PIK3CG: variants seen among roughly 807,000 people sequenced by gnomAD.
PIK3CG encodes phosphatidylinositol-4,5-bisphosphate 3-kinase catalytic subunit gamma.
In PIK3CG, 55 loss-of-function variants were observed where a neutral mutation model predicts 102.3. The ratio of observed to expected loss-of-function variants is 0.54; its 90% CI spans 0.43 to 0.67. The LOEUF is 0.67. PIK3CG is among the 30% of genes least tolerant of loss of function. PIK3CG has a pLI of 0.00. For missense variants in PIK3CG, 1,258 were observed against 1,391.8 expected (o/e 0.90, Z 1.53); for synonymous variants, 552 against 540.0 (o/e 1.02, Z -0.31).
chr7:106,902,534 C>T lies in PIK3CG; in HGVS notation c.3031-2575C>T, dbSNP rs1217804397. 6.6e-6 allele frequency among the ~76,000 whole-genome samples: 1 copy of T among 150,760 alleles called. No homozygotes were observed. The highest frequency in any genetic ancestry group is 1.5e-5 in the Non-Finnish European group (1 of 67,840). On this transcript the variant is annotated intron_variant, in intron 10 of 10. Coordinates refer to ENST00000496166, the MANE Select transcript of PIK3CG (RefSeq NM_001282426.2). This position sits in a 1 kb window ranked among gnomAD's most constrained non-coding sequence, Gnocchi z 4.3. Reference sequence around the variant, plus strand: ...ATAAAATGTGAACATTGGGTATTGTCCTTAAAAGACTAAAAAAAAAAAAGT... The same window carrying T: ...ATAAAATGTGAACATTGGGTATTGTTCTTAAAAGACTAAAAAAAAAAAAGT...
rs1791749948 is a variant in PIK3CG at position 106,908,631 on chromosome 7, C to T, written c.*3244C>T. Among the ~76,000 whole-genome samples, 1 of 152,104 alleles carries T rather than the reference C, an allele frequency of 6.6e-6. No individual in the cohort carries two copies. The highest frequency in any genetic ancestry group is 2.4e-5 in the African/African-American group (1 of 41,396). On this transcript the variant is annotated 3_prime_UTR_variant, in exon 11 of 11. Transcript: ENST00000496166. This position sits in a 1 kb window ranked among gnomAD's most constrained non-coding sequence, Gnocchi z 4.1. ...CCAGAGAAAACTCTTGACTTAAAAA[C>T]TTAACTGTAGTAAATATATCTTTTT...
chr7:106,896,247 G>A (rs1490371970), intron 10 of PIK3CG, among the ~76,000 whole-genome samples: 2 of 152,126 alleles, frequency 1.3e-5, no homozygotes, highest in African/African-American at 4.8e-5. Flanking sequence ...GAGCACCAGT[G>A]GATTGGTGTT....
At position 106,872,199 on chromosome 7, in the gene PIK3CG, C is replaced by T. The variant is rs1286705470; in HGVS notation, c.1996-338C>T. On this transcript the variant is annotated intron_variant, in intron 2 of 10. Transcript: ENST00000496166. This position sits in a 1 kb window ranked among gnomAD's most constrained non-coding sequence, Gnocchi z 5.3. ...GATTGGTTACAGTGTCTCCATCTTC[C>T]CCCTCTACCCCTCCAACAAAACCAG... Among the ~76,000 whole-genome samples the T allele has an allele frequency of 1.3e-5, 2 of 152,120 alleles. No homozygotes were observed. The highest frequency in any genetic ancestry group is 4.8e-5 in the African/African-American group (2 of 41,412).
rs535496274 is a variant in PIK3CG at position 106,874,647 on chromosome 7, T to C, written c.2288-53T>C. On this transcript the variant is annotated intron_variant, in intron 4 of 10. Coordinates refer to ENST00000496166, the MANE Select transcript of PIK3CG (RefSeq NM_001282426.2). This position sits in a 1 kb window ranked among gnomAD's most constrained non-coding sequence, Gnocchi z 4.3. ...TGTTCTCAGGAAATGTAATAGATAA[T>C]ATTGATGATTTCTGGAACTCACATA... 8 of 1,088,032 alleles carry C rather than the reference T, an allele frequency of 7.4e-6. No individual in the cohort carries two copies. In the East Asian group the frequency reaches 1.9e-4, roughly 26 times the overall value. The allele number at this position is 1,088,032 out of a possible 1,614,324, so 67.4% of individuals were successfully genotyped here. A position where few individuals can be genotyped will look rare whatever the true frequency, so the allele number is the denominator to read the frequency against.
At chr7:106,885,424 G>A (rs993004473) in intron 9 of PIK3CG, among the ~76,000 whole-genome samples, 1 of 152,142 alleles carries the variant, frequency 6.6e-6, no homozygotes, top group African/African-American at 2.4e-5. Context: ...GTAGTCAGTA[G>A]TGGCCACCAA....
intron 10 of PIK3CG, among the ~76,000 whole-genome samples, chr7:106,901,602 C>T (rs964358770): frequency 6.6e-6 from 1 of 152,114 alleles, no homozygotes; most frequent in Non-Finnish European, 1.5e-5. Context: ...TGTTGGAGAA[C>T]TGGTGTGGTT....
At chr7:106,882,936 A>T in intron 7 of PIK3CG, 97 bp from the exon 8 acceptor site, 1 of 970,872 alleles carries the variant, frequency 1.0e-6, no homozygotes, top group East Asian at 2.6e-5. Context: ...AAAAAAAAAA[A>T]ACCCTCTGCC....
rs761414831 is a variant in PIK3CG at position 106,869,209 on chromosome 7, C to T, written c.1648C>T (p.Gln550Ter). 1.9e-6 allele frequency: 3 copies of T among 1,614,236 alleles called. No homozygotes were observed. Among genetic ancestry groups the T allele is most frequent in the South Asian group, 2.2e-5 (2 of 91,084 alleles). The change falls in exon 2 of 11, where the codon CAG (glutamine) becomes TAG (stop). Residue 550 changes from glutamine (Q) to a stop codon, truncating the protein, a stop_gained. Transcript: ENST00000496166. LOFTEE classifies it high-confidence loss of function. The surrounding 1 kb of genome is among the most constrained non-coding windows in gnomAD (Gnocchi z 5.3). The stretch of plus-strand genomic sequence containing the variant: ...CCGGGTTCGAGCAGAAATGCCCAAC[C>T]AGCTTCGCAAGCAATTGGAGGCGAT... ...GDRVRAEMPN[Q>*]LRKQLEAIIA...
At position 106,884,217 on chromosome 7, in the gene PIK3CG, T is replaced by G. The variant is rs1278280958; in HGVS notation, c.2823T>G (p.Val941=). 6.2e-7 allele frequency: 1 copy of G among 1,613,902 alleles called. No homozygotes were observed. Among genetic ancestry groups the G allele is most frequent in the African/African-American group, 1.3e-5 (1 of 74,906 alleles). ...SCAGYCVATF[V]LGIGDRHNDN... Reference sequence around the variant, plus strand: ...CAGGCTACTGTGTGGCAACCTTTGTTCTTGGAATAGGCGACAGACACAATG... The same window carrying G: ...CAGGCTACTGTGTGGCAACCTTTGTGCTTGGAATAGGCGACAGACACAATG... Residue 941 remains valine (V), a synonymous_variant, in exon 9 of 11, where the codon GTT becomes GTG. Coordinates refer to ENST00000496166, the MANE Select transcript of PIK3CG (RefSeq NM_001282426.2). The surrounding 1 kb of genome is among the most constrained non-coding windows in gnomAD (Gnocchi z 4.2).
Position 106,867,995 on chromosome 7 carries a change from A to T in PIK3CG, c.434A>T (p.Glu145Val), listed in dbSNP as rs770504377. 1 of 1,612,182 alleles carries T rather than the reference A, an allele frequency of 6.2e-7. No individual in the cohort carries two copies. Among genetic ancestry groups the T allele is most frequent in the Non-Finnish European group, 8.5e-7 (1 of 1,179,208 alleles). Residue 145 changes from glutamate to valine, a missense_variant, in exon 2 of 11, where the codon GAG (glutamate) becomes GTG (valine). Coordinates refer to ENST00000496166, the MANE Select transcript of PIK3CG (RefSeq NM_001282426.2). This position sits in a 1 kb window ranked among gnomAD's most constrained non-coding sequence, Gnocchi z 5.1. ...CTGGTGCAGCGGCACCCGCCCTCCGAGGAGTCCCAAGCCTTCCAGCGGCAG... is the reference window on the plus strand; with the variant it reads ...CTGGTGCAGCGGCACCCGCCCTCCGTGGAGTCCCAAGCCTTCCAGCGGCAG... ...IHLVQRHPPSEESQAFQRQLT... is the reference protein window; with the variant it reads ...IHLVQRHPPSVESQAFQRQLT...
In PIK3CG at chr7:106,894,309, G is replaced by A. The variant is rs757846420; in HGVS notation, c.3030+8017G>A. The stretch of plus-strand genomic sequence containing the variant: ...GCACGCTATCAGAATATTGACTAAA[G>A]TAGAATAGCTTATTGTAGCATTTAG... On this transcript the variant is annotated intron_variant, in intron 10 of 10. Transcript: ENST00000496166. The surrounding 1 kb of genome is among the most constrained non-coding windows in gnomAD (Gnocchi z 4.4). Among the ~76,000 whole-genome samples, 13 of 152,148 alleles carry A rather than the reference G, an allele frequency of 8.5e-5. No individual in the cohort carries two copies. The highest frequency in any genetic ancestry group is 1.5e-4 in the Non-Finnish European group (10 of 67,986).
chr7:106,881,732 C>T (rs1790941128), intron 6 of PIK3CG, among the ~76,000 whole-genome samples: 1 of 152,112 alleles, frequency 6.6e-6, no homozygotes, highest in South Asian at 2.1e-4. Context: ...CGCCTCTAAT[C>T]CCAGCTACTC....
chr7:106,882,075 A>AAT (rs1554423082), intron 6 of PIK3CG, 42 bp from the exon 7 acceptor site: 8 of 825,434 alleles, frequency 9.7e-6, no homozygotes, highest in South Asian at 7.8e-5. Flanking sequence ...ATATTAAGTT[A>AAT]ATATATATAT....
intron 9 of PIK3CG, among the ~76,000 whole-genome samples, 193 bp from the exon 10 acceptor site, chr7:106,885,942 A>T (rs1791076204): frequency 6.6e-6 from 1 of 152,238 alleles, no homozygotes; most frequent in Admixed American, 6.5e-5. Flanking sequence ...TATCAAAAAC[A>T]TACTTGGTTC....
At chr7:106,878,377 C>T (rs1178725779) in intron 5 of PIK3CG, among the ~76,000 whole-genome samples, 1 of 152,098 alleles carries the variant, frequency 6.6e-6, no homozygotes, top group Non-Finnish European at 1.5e-5. Context: ...TATGGAGCTC[C>T]TTGAATTTGT....
At chr7:106,882,940 C>T (rs2116542211) in intron 7 of PIK3CG, 93 bp from the exon 8 acceptor site, 4 of 892,230 alleles carry the variant, frequency 4.5e-6, no homozygotes, top group Non-Finnish European at 6.5e-6. Flanking sequence ...AAAAAAAACC[C>T]TCTGCCCTTC....
At position 106,879,382 on chromosome 7, in the gene PIK3CG, C is replaced by G; in HGVS notation, c.2392-137C>G. 1 of 768,694 alleles carries G rather than the reference C, an allele frequency of 1.3e-6. No homozygotes were observed. Among genetic ancestry groups the G allele is most frequent in the South Asian group, 1.6e-5 (1 of 63,538 alleles). 47.6% of individuals were successfully genotyped at this position (768,694 alleles called of 1,614,324 possible). ...CTCAAAACAACTTCTGTATTTTTAC[C>G]CAAATATTGAAAATCATTCTCCAAC... On this transcript the variant is annotated intron_variant, in intron 5 of 10. Coordinates refer to ENST00000496166, the MANE Select transcript of PIK3CG (RefSeq NM_001282426.2). This position sits in a 1 kb window ranked among gnomAD's most constrained non-coding sequence, Gnocchi z 4.9.
chr7:106,896,315 T>C (rs1791407033), intron 10 of PIK3CG, among the ~76,000 whole-genome samples: 1 of 152,156 alleles, frequency 6.6e-6, no homozygotes, highest in Admixed American at 6.5e-5. Context: ...TAAAAAGAGT[T>C]TGACCACACA....
Position 106,905,826 on chromosome 7 carries a change from T to C in PIK3CG, c.*439T>C. 1 of 248,320 alleles carries C rather than the reference T, an allele frequency of 4.0e-6. No homozygotes were observed. The highest frequency in any genetic ancestry group is 7.8e-6 in the Non-Finnish European group (1 of 127,932). The allele number at this position is 248,320 out of a possible 1,614,324, so 15.4% of individuals were successfully genotyped here. On this transcript the variant is annotated 3_prime_UTR_variant, in exon 11 of 11. Transcript: ENST00000496166. This position sits in a 1 kb window ranked among gnomAD's most constrained non-coding sequence, Gnocchi z 5.6. ...AAAAAGATGTAATCGTTGTAACCTT[T>C]GTCTCATTCCTTAAATGATGCTTCC...
Sources: allele counts gnomAD v4.1 joint callset (sites outside exome capture counted in the v4.1 genomes callset), GRCh38; gene constraint gnomAD v4.1.1; non-coding constraint Gnocchi (gnomAD v3.1); transcripts MANE v1.5; gene names NCBI Gene and HGNC (gene_info 2026-07-23, HGNC 2026-07-21).